The following RANBP3L variants were observed in gnomAD, a reference collection of about 807,000 sequenced individuals.
The protein encoded by RANBP3L is ran-binding protein 3-like.
Under a neutral mutation model 67.2 loss-of-function variants are expected in RANBP3L, and 56 were observed. That is an observed-to-expected ratio of 0.83 (90% CI 0.67 to 1.04). The LOEUF is 1.04. Ranked by LOEUF, RANBP3L falls within the 50% of genes least tolerant of loss-of-function variation. The pLI, the probability that RANBP3L is intolerant of heterozygous loss-of-function variation, is 0.00. For synonymous variants in RANBP3L, 164 were observed against 181.4 expected, an observed-to-expected ratio of 0.90 and a Z score of 0.77; for missense variants, 496 against 535.5, an observed-to-expected ratio of 0.93 and a Z score of 0.73.
chr5:36,300,443 T>C (rs779667275), intron 1 of RANBP3L, among the ~76,000 whole-genome samples: 2 of 152,178 alleles, frequency 1.3e-5, no homozygotes, highest in Admixed American at 1.3e-4. Flanking sequence ...TGGGAGGTTT[T>C]GGCCCTTTAG....
In RANBP3L at chr5:36,278,190, T is replaced by G. The variant is rs11951676; in HGVS notation, c.92-6879A>C. ...ATTCTTCCCCAAAAGTCTTTCTTTTTCTTTTCACTCATTACCTTATGCTTA... is the reference window on the plus strand; with the variant it reads ...ATTCTTCCCCAAAAGTCTTTCTTTTGCTTTTCACTCATTACCTTATGCTTA... On this transcript the variant is annotated intron_variant, in intron 1 of 13. Coordinates refer to ENST00000296604, the MANE Select transcript of RANBP3L (RefSeq NM_145000.5). Among the ~76,000 whole-genome samples the G allele has an allele frequency of 8.1e-3, 1,231 of 152,266 alleles. 17 individuals carry two copies. The highest frequency in any genetic ancestry group is 0.028 in the African/African-American group (1,148 of 41,564).
At chr5:36,266,722 C>G (rs1317623181) in intron 4 of RANBP3L, among the ~76,000 whole-genome samples, 1 of 151,082 alleles carries the variant, frequency 6.6e-6, no homozygotes, top group Non-Finnish European at 1.5e-5. Flanking sequence ...ACCTTTGCCT[C>G]TGGGATTAGG....
At chr5:36,285,977 G>C (rs1026067395) in intron 1 of RANBP3L, among the ~76,000 whole-genome samples, 2 of 152,134 alleles carry the variant, frequency 1.3e-5, no homozygotes, top group African/African-American at 4.8e-5. Context: ...TATACTGAAA[G>C]GTCCCAGTGT....
Position 36,255,523 on chromosome 5 carries a change from A to G in RANBP3L, c.971T>C (p.Leu324Ser). The G allele has an allele frequency of 6.2e-7, 1 of 1,612,070 alleles. No individual in the cohort carries two copies. The highest frequency in any genetic ancestry group is 8.5e-7 in the Non-Finnish European group (1 of 1,178,406). Residue 324 changes from leucine to serine, a missense_variant, in exon 11 of 14, where the codon TTG becomes TCG. By Grantham distance (145) the Leu-to-Ser change is moderately radical (BLOSUM62 -2). Coordinates refer to ENST00000296604, the MANE Select transcript of RANBP3L (RefSeq NM_145000.5). ...AGTGCTTGCTGTGTCATTCAGTCTCAACGTTCCTCTGCCCCTTTCAATCCA... is the reference window on the plus strand; with the variant it reads ...AGTGCTTGCTGTGTCATTCAGTCTCGACGTTCCTCTGCCCCTTTCAATCCA... ...QSWIERGRGT[L>S]RLNDTASTDC... is the part of the protein sequence containing the mutation.
At position 36,257,168 on chromosome 5, in the gene RANBP3L, C is replaced by T. The variant is rs369370433; in HGVS notation, c.773-97G>A. 5.8e-5 allele frequency: 58 copies of T among 1,003,742 alleles called. No homozygotes were observed. The African/African-American group carries it at 7.2e-4, about 13-fold the overall frequency. 62.2% of individuals were successfully genotyped at this position (1,003,742 alleles called of 1,614,324 possible). A position where few individuals can be genotyped will look rare whatever the true frequency, so the allele number is the denominator to read the frequency against. ...ATTACCACATATATCTACTTGGCTTCTTCTAGTAGTAAGTGATTCTAAAAA... is the reference window on the plus strand; with the variant it reads ...ATTACCACATATATCTACTTGGCTTTTTCTAGTAGTAAGTGATTCTAAAAA... On this transcript the variant is annotated intron_variant, in intron 9 of 13. Coordinates refer to ENST00000296604, the MANE Select transcript of RANBP3L (RefSeq NM_145000.5).
chr5:36,267,523 A>G (rs1749896574), intron 4 of RANBP3L, among the ~76,000 whole-genome samples: 1 of 151,624 alleles, frequency 6.6e-6, no homozygotes, highest in East Asian at 1.9e-4. Flanking sequence ...AAAAAAAAAG[A>G]AAGAAAGAAA....
At chr5:36,258,214 T>A (rs1215801484) in intron 8 of RANBP3L, among the ~76,000 whole-genome samples, 1 of 152,166 alleles carries the variant, frequency 6.6e-6, no homozygotes, top group African/African-American at 2.4e-5. Flanking sequence ...GTATGTCTGT[T>A]GTAATCAAGG....
At position 36,265,110 on chromosome 5, in the gene RANBP3L, A is replaced by G. The variant is rs373856584; in HGVS notation, c.341-12T>C. The G allele has an allele frequency of 6.6e-6, 10 of 1,520,682 alleles. No homozygotes were observed. In the Middle Eastern group the frequency reaches 1.2e-3, roughly 185 times the overall value. 94.2% of individuals were successfully genotyped at this position (1,520,682 alleles called of 1,614,324 possible). On this transcript the variant is annotated splice_polypyrimidine_tract_variant and intron_variant, in intron 5 of 13. Transcript: ENST00000296604. ...ATGTTTCACAGGACCTTAAAAGAAT[A>G]GAATTAAAGGATAAATATATGTTTA...
At position 36,270,156 on chromosome 5, in the gene RANBP3L, C is replaced by T. The variant is rs115308161; in HGVS notation, c.151-166G>A. ...CCACCCTGCCACTTTACAGAATTCT[C>T]AGAAGCCAGGGCTAATAAGCCCGGC... is the stretch of plus-strand genomic sequence containing the variant. On this transcript the variant is annotated intron_variant, in intron 2 of 13. Transcript: ENST00000296604. Among the ~76,000 whole-genome samples, 554 of 152,302 alleles carry T rather than the reference C, an allele frequency of 3.6e-3. 6 individuals are homozygous for T. Among genetic ancestry groups the T allele is most frequent in the African/African-American group, 0.013 (546 of 41,568 alleles).
At position 36,260,669 on chromosome 5, in the gene RANBP3L, C is replaced by T. The variant is rs1025961542; in HGVS notation, c.669+111G>A. On this transcript the variant is annotated intron_variant, in intron 8 of 13. Coordinates refer to ENST00000296604, the MANE Select transcript of RANBP3L (RefSeq NM_145000.5). ...AAGAAAGAAAATGTGCGTTTGAACTCAGGAGTTAAAAAGTATAATTCAATT... is the reference window on the plus strand; with the variant it reads ...AAGAAAGAAAATGTGCGTTTGAACTTAGGAGTTAAAAAGTATAATTCAATT... 1.4e-5 allele frequency: 8 copies of T among 584,782 alleles called. No individual in the cohort carries two copies. In the African/African-American group the frequency reaches 1.6e-4, roughly 11 times the overall value. 36.2% of individuals were successfully genotyped at this position (584,782 alleles called of 1,614,324 possible). A position where few individuals can be genotyped will look rare whatever the true frequency, so the allele number is the denominator to read the frequency against.
chr5:36,269,316 T>C (rs1750041084), intron 4 of RANBP3L, 74 bp downstream of exon 4: 1 of 897,964 alleles, frequency 1.1e-6, no homozygotes, highest in Middle Eastern at 2.2e-4. Flanking sequence ...ATTACCCTTT[T>C]GAAAAGTTTC....
At chr5:36,280,327 G>A (rs773187179) in intron 1 of RANBP3L, among the ~76,000 whole-genome samples, 2 of 152,142 alleles carry the variant, frequency 1.3e-5, no homozygotes, top group Admixed American at 6.6e-5. Context: ...CACCCCAAAC[G>A]TAACTCCAAA....
intron 2 of RANBP3L, among the ~76,000 whole-genome samples, chr5:36,270,850 A>G (rs1750156768): frequency 6.6e-6 from 1 of 152,238 alleles, no homozygotes; most frequent in Non-Finnish European, 1.5e-5. Context: ...TGATGCCAAA[A>G]AAAGCAGACA....
intron 1 of RANBP3L, among the ~76,000 whole-genome samples, chr5:36,294,852 T>C (rs1250236844): frequency 1.4e-5 from 2 of 146,122 alleles, no homozygotes; most frequent in Non-Finnish European, 3.0e-5. Flanking sequence ...TATAAACATA[T>C]ATATACTCAT....
chr5:36,261,896 G>A, intron 7 of RANBP3L, 43 bp downstream of exon 7: 1 of 904,694 alleles, frequency 1.1e-6, no homozygotes, highest in Non-Finnish European at 1.7e-6. Flanking sequence ...ATGAAAGAAT[G>A]CAAGAATGAA....
intron 1 of RANBP3L, among the ~76,000 whole-genome samples, chr5:36,290,330 C>T (rs191673535): frequency 1.3e-5 from 2 of 151,804 alleles, no homozygotes; most frequent in East Asian, 3.9e-4. Flanking sequence ...AATTCTCATG[C>T]CTCAGCCTCC....
intron 1 of RANBP3L, among the ~76,000 whole-genome samples, chr5:36,295,946 T>C (rs1309480086): frequency 6.6e-6 from 1 of 152,070 alleles, no homozygotes; most frequent in African/African-American, 2.4e-5. Flanking sequence ...TTAAGTTCAG[T>C]CATATGGCCA....
intron 1 of RANBP3L, among the ~76,000 whole-genome samples, chr5:36,278,191 C>A (rs563997948): frequency 6.6e-6 from 1 of 152,234 alleles, no homozygotes; most frequent in East Asian, 1.9e-4. Flanking sequence ...CTTTCTTTTT[C>A]TTTTCACTCA....
chr5:36,301,082 C>T (rs1752577270), intron 1 of RANBP3L, among the ~76,000 whole-genome samples: 1 of 152,118 alleles, frequency 6.6e-6, no homozygotes, highest in South Asian at 2.1e-4. Context: ...CTAGCATACT[C>T]TAAAAAACAC....
Sources: allele counts gnomAD v4.1 joint callset (sites outside exome capture counted in the v4.1 genomes callset), GRCh38; gene constraint gnomAD v4.1.1; transcripts MANE v1.5; gene names NCBI Gene and HGNC (gene_info 2026-07-23, HGNC 2026-07-21).